The following HS1BP3 variants were observed in gnomAD, a reference collection of about 807,000 sequenced individuals.
HS1BP3 encodes HCLS1 binding protein 3, also known as HCLS1-binding protein 3.
A neutral mutation model predicts 33.5 loss-of-function variants in HS1BP3; 32 were observed. The observed-to-expected ratio is 0.95, with a 90% CI of 0.72 to 1.28. The LOEUF (loss-of-function observed/expected upper bound fraction) is 1.28. Ranked by LOEUF, HS1BP3 falls within the 50% of genes most tolerant of loss-of-function variation. The pLI is 0.00. For synonymous variants in HS1BP3, 187 were observed against 209.2 expected, an observed-to-expected ratio of 0.89 and a Z score of 0.92; for missense variants, 486 against 502.3, an observed-to-expected ratio of 0.97 and a Z score of 0.31.
At chr2:20,597,513 T>C (rs1381219685) in intron 3 of HS1BP3, among the ~76,000 whole-genome samples, 1 of 151,936 alleles carries the variant, frequency 6.6e-6, no homozygotes, top group Non-Finnish European at 1.5e-5. Context: ...CCATGAGAGG[T>C]GATCAAACTG....
chr2:20,584,431 A>G (rs542058667), intron 5 of HS1BP3, among the ~76,000 whole-genome samples: 32 of 152,286 alleles, frequency 2.1e-4, no homozygotes, highest in Admixed American at 8.5e-4. Flanking sequence ...CAGCTCTCTG[A>G]GCACTGAACC....
chr2:20,630,802 C>T (rs965460941), intron 4 of HS1BP3, among the ~76,000 whole-genome samples: 9 of 152,124 alleles, frequency 5.9e-5, no homozygotes, highest in African/African-American at 1.4e-4. Flanking sequence ...AGCTGTGCTC[C>T]GGGCAGAGAG....
intron 6 of HS1BP3, 56 bp from the exon 7 acceptor site, chr2:20,619,301 C>T: frequency 6.9e-7 from 1 of 1,439,082 alleles, no homozygotes; most frequent in Non-Finnish European, 9.4e-7. Context: ...GTGACAGGAA[C>T]AAGACCCCAG....
At chr2:20,582,009 C>T (rs748073262) in intron 5 of HS1BP3, among the ~76,000 whole-genome samples, 3 of 152,202 alleles carry the variant, frequency 2.0e-5, no homozygotes, top group Non-Finnish European at 4.4e-5. Flanking sequence ...CTGATTGAGC[C>T]AGGCCTGCAC....
At chr2:20,555,478 T>C (rs762129384), downstream of HS1BP3, among the ~76,000 whole-genome samples, 39 of 152,164 alleles carry the variant, frequency 2.6e-4, no homozygotes, top group Non-Finnish European at 4.6e-4. Flanking sequence ...CACACATGCA[T>C]GAAGCCAGCC....
intron 5 of HS1BP3, among the ~76,000 whole-genome samples, chr2:20,584,169 G>A (rs1693626507): frequency 6.6e-6 from 1 of 152,242 alleles, no homozygotes; most frequent in Non-Finnish European, 1.5e-5. Flanking sequence ...GTGGGGTATA[G>A]ATAACATGGA....
At chr2:20,606,618 C>A in intron 2 of HS1BP3, 1 of 482,154 alleles carries the variant, frequency 2.1e-6, no homozygotes. Context: ...GCCAACTTTC[C>A]AGCGTCTTTC....
chr2:20,641,030 G>T lies in HS1BP3; in HGVS notation c.349C>A (p.Arg117Ser). The change falls in exon 3 of 7, where the codon CGC (arginine) becomes AGC (serine). Residue 117 changes from arginine (R) to serine (S), a missense_variant. Arg to Ser is a moderately radical substitution (Grantham distance 110). Transcript: ENST00000304031. The stretch of plus-strand genomic sequence containing the variant: ...AACTCGGCATCCTTGGAGACACAGC[G>T]CAGGATCTCATTGAACACGGCTCTC... ...ERRAVFNEILRCVSKDAELAG... is the reference protein window; with the variant it reads ...ERRAVFNEILSCVSKDAELAG... 6.2e-7 allele frequency: 1 copy of T among 1,614,160 alleles called. No homozygotes were observed. The highest frequency in any genetic ancestry group is 8.5e-7 in the Non-Finnish European group (1 of 1,180,024).
At chr2:20,591,572 GTGTT>G (rs746373478), downstream of HS1BP3, among the ~76,000 whole-genome samples, 144 of 152,292 alleles carry the variant, frequency 9.5e-4, no homozygotes, top group Admixed American at 1.5e-3. Flanking sequence ...GTCGACCATT[GTGTT>G]TGTTTGTTTT....
intron 4 of HS1BP3, among the ~76,000 whole-genome samples, chr2:20,633,106 A>G (rs1184075976): frequency 1.3e-5 from 2 of 152,308 alleles, no homozygotes; most frequent in East Asian, 3.9e-4. Flanking sequence ...AGGCTTGGAG[A>G]AGTACAGCAA....
At chr2:20,630,354 C>T (rs1178606610) in intron 4 of HS1BP3, among the ~76,000 whole-genome samples, 1 of 152,152 alleles carries the variant, frequency 6.6e-6, no homozygotes, top group Non-Finnish European at 1.5e-5. Context: ...CAGCCTCGAC[C>T]TCCTGGGCTC....
downstream of HS1BP3, among the ~76,000 whole-genome samples, chr2:20,591,410 G>T (rs923475514): frequency 6.6e-6 from 1 of 152,198 alleles, no homozygotes; most frequent in Non-Finnish European, 1.5e-5. Flanking sequence ...TCAAACATAG[G>T]TGTGGCCACC....
intron 5 of HS1BP3, among the ~76,000 whole-genome samples, chr2:20,573,031 C>A (rs1693312831): frequency 6.6e-6 from 1 of 152,216 alleles, no homozygotes; most frequent in Non-Finnish European, 1.5e-5. Flanking sequence ...CCCAAGATAA[C>A]AGACTCTAAT....
intron 6 of HS1BP3, chr2:20,622,116 C>A (rs1294852061): frequency 8.5e-7 from 1 of 1,179,594 alleles, no homozygotes; most frequent in Middle Eastern, 3.1e-4. Context: ...TCAGTGTACA[C>A]CCCACGCGGC....
At chr2:20,645,549 G>A (rs199543125) in intron 1 of HS1BP3, 44 bp from the exon 2 acceptor site, 490 of 1,565,464 alleles carry the variant, frequency 3.1e-4, no homozygotes, top group Admixed American at 4.1e-4. Context: ...GGTCAAGGCA[G>A]TAGGCTTCCC....
chr2:20,570,679 G>T (rs1439940939), intron 5 of HS1BP3, among the ~76,000 whole-genome samples: 6 of 152,180 alleles, frequency 3.9e-5, no homozygotes, highest in Admixed American at 3.9e-4. Context: ...CCCAAGAACT[G>T]CCCAAGTGAG....
rs535632781 is a variant in HS1BP3, at chr2:20,617,912, C to T, written c.*1075G>A. On this transcript the variant is annotated 3_prime_UTR_variant, in exon 7 of 7. Transcript: ENST00000304031. ...ACCTGTGTACCAGCGCTCTGGGGGT[C>T]GGGAGAAGTCTAAGGCACGGGCCCT... is the stretch of plus-strand genomic sequence containing the variant. The T allele has an allele frequency of 4.9e-3, 751 of 152,748 alleles. 5 individuals are homozygous for T. Among genetic ancestry groups the T allele is most frequent in the Middle Eastern group, 0.024 (7 of 294 alleles). 9.5% of individuals were successfully genotyped at this position (152,748 alleles called of 1,614,324 possible). A position where few individuals can be genotyped will look rare whatever the true frequency, so the allele number is the denominator to read the frequency against.
At chr2:20,620,589 CAGG>C (rs1427260194) in intron 6 of HS1BP3, among the ~76,000 whole-genome samples, 1 of 152,214 alleles carries the variant, frequency 6.6e-6, no homozygotes. Context: ...CACAGCACTG[CAGG>C]AGGAGAACTG....
intron 4 of HS1BP3, among the ~76,000 whole-genome samples, chr2:20,633,906 C>A (rs1347901809): frequency 5.3e-5 from 8 of 152,364 alleles, no homozygotes; most frequent in Admixed American, 5.2e-4. Flanking sequence ...TGGAGTGCCG[C>A]CTGCGTGACG....
Sources: gnomAD v4.1 joint callset for allele counts (sites outside exome capture counted in the v4.1 genomes callset) on GRCh38, gnomAD v4.1.1 for gene constraint, MANE v1.5 for transcripts, NCBI Gene and HGNC (gene_info 2026-07-23, HGNC 2026-07-21) for gene names.